Variants in FRMD4A observed in about 807,000 individuals in gnomAD.
The protein encoded by FRMD4A is FERM domain containing 4A.
In FRMD4A, 29 loss-of-function variants were observed where a neutral mutation model predicts 129.1. That is an observed-to-expected ratio of 0.22 (90% confidence interval 0.17 to 0.31). The LOEUF is 0.31. FRMD4A is among the 10% of genes least tolerant of loss of function. The probability of loss-of-function intolerance (pLI) is 1.00; values close to 1 mark genes in which losing one functional copy is unlikely to be tolerated. For synonymous variants in FRMD4A, 634 were observed against 571.6 expected (o/e 1.11, Z -1.56); for missense variants, 1,272 against 1,375.8 (o/e 0.92, Z 1.19).
At chr10:14,269,887 G>T (rs1845104434) in intron 2 of FRMD4A, among the ~76,000 whole-genome samples, 1 of 152,190 alleles carries the variant, frequency 6.6e-6, no homozygotes, top group African/African-American at 2.4e-5. Context: ...GAGAAACCCA[G>T]GTGATTTGGC....
chr10:13,689,216 G>T (rs112254255), intron 15 of FRMD4A, among the ~76,000 whole-genome samples: 50,347 of 75,458 alleles, frequency 0.67, 17,583 homozygotes, highest in African/African-American at 0.71. Flanking sequence ...GGGGGGGGGG[G>T]GGGGAGGGCT....
At chr10:13,666,076 G>A (rs1356746543) in intron 18 of FRMD4A, 21 bp downstream of exon 18, 4 of 1,485,496 alleles carry the variant, frequency 2.7e-6, no homozygotes, top group Non-Finnish European at 3.8e-6. Context: ...GTGGGGTGGG[G>A]GCAGCCCGGT....
chr10:13,775,891 A>C (rs2092585406), intron 6 of FRMD4A, among the ~76,000 whole-genome samples: 1 of 86,080 alleles, frequency 1.2e-5, no homozygotes, highest in African/African-American at 2.8e-5. Flanking sequence ...AAGGGTATGT[A>C]GTAACTAAAT....
At chr10:14,275,523 G>A (rs567955622) in intron 2 of FRMD4A, among the ~76,000 whole-genome samples, 2 of 152,314 alleles carry the variant, frequency 1.3e-5, no homozygotes, top group South Asian at 4.2e-4. Flanking sequence ...TGCAAAGAAA[G>A]GGAGAAAGGA....
chr10:13,949,564 TG>T (rs1429632353), intron 2 of FRMD4A, among the ~76,000 whole-genome samples: 1 of 152,242 alleles, frequency 6.6e-6, no homozygotes, highest in Non-Finnish European at 1.5e-5. Flanking sequence ...ATTTTGTTCT[TG>T]TAGCTCCACA....
intron 2 of FRMD4A, chr10:14,008,150 C>G: frequency 8.0e-7 from 1 of 1,257,804 alleles, no homozygotes; most frequent in African/African-American, 1.9e-5. Flanking sequence ...CCTGAACCAC[C>G]ATGGTGTACA....
At chr10:13,820,803 C>A (rs2093618908) in intron 3 of FRMD4A, among the ~76,000 whole-genome samples, 2 of 152,186 alleles carry the variant, frequency 1.3e-5, no homozygotes, top group African/African-American at 4.8e-5. Context: ...ATCCACTCTG[C>A]CCGGGACCCC....
chr10:14,171,980 G>A (rs867258370), intron 2 of FRMD4A, among the ~76,000 whole-genome samples: 6 of 152,102 alleles, frequency 3.9e-5, no homozygotes, highest in South Asian at 2.1e-4. Flanking sequence ...TAAAAATATC[G>A]CTGGGTAATT....
intron 6 of FRMD4A, among the ~76,000 whole-genome samples, chr10:13,763,189 A>G (rs2092146635): frequency 6.6e-6 from 1 of 152,154 alleles, no homozygotes; most frequent in Non-Finnish European, 1.5e-5. Flanking sequence ...TTAAATCTTT[A>G]GAGAAATTAA....
intron 3 of FRMD4A, among the ~76,000 whole-genome samples, chr10:13,839,708 C>T (rs753337923): frequency 3.3e-5 from 5 of 152,208 alleles, no homozygotes; most frequent in Non-Finnish European, 5.9e-5. Context: ...GGCATACAGG[C>T]TCCTGGTTCA....
At chr10:14,021,444 C>A (rs1264505631) in intron 2 of FRMD4A, among the ~76,000 whole-genome samples, 1 of 151,842 alleles carries the variant, frequency 6.6e-6, no homozygotes, top group South Asian at 2.1e-4. Flanking sequence ...GTAGTCCCAC[C>A]TACTTGGGAG....
At chr10:14,164,389 G>T (rs961573018) in intron 2 of FRMD4A, among the ~76,000 whole-genome samples, 2 of 152,196 alleles carry the variant, frequency 1.3e-5, no homozygotes, top group African/African-American at 4.8e-5. Context: ...CTGGCAATGA[G>T]CCCCAGGTCC....
intron 2 of FRMD4A, among the ~76,000 whole-genome samples, chr10:13,980,467 G>A (rs2095556721): frequency 6.6e-6 from 1 of 152,182 alleles, no homozygotes; most frequent in African/African-American, 2.4e-5. Flanking sequence ...AGCAGCTTAT[G>A]CCCTGTAATC....
chr10:13,704,701 C>T (rs925902529), intron 13 of FRMD4A, among the ~76,000 whole-genome samples: 1 of 152,150 alleles, frequency 6.6e-6, no homozygotes, highest in Non-Finnish European at 1.5e-5. Flanking sequence ...AGGTTCAAAT[C>T]CTGCCTCTCC....
intron 2 of FRMD4A, among the ~76,000 whole-genome samples, chr10:14,191,592 T>A (rs1842318183): frequency 6.6e-6 from 1 of 152,230 alleles, no homozygotes; most frequent in Non-Finnish European, 1.5e-5. Flanking sequence ...TATCGGCTGT[T>A]GCTATGGAGA....
At chr10:13,777,434 T>C (rs1369602554) in intron 6 of FRMD4A, among the ~76,000 whole-genome samples, 3 of 152,232 alleles carry the variant, frequency 2.0e-5, no homozygotes, top group Admixed American at 6.5e-5. Context: ...TGGTCTCCTA[T>C]ATCAACTTGA....
intron 2 of FRMD4A, among the ~76,000 whole-genome samples, chr10:13,993,423 G>T (rs866190085): frequency 1.3e-5 from 2 of 152,320 alleles, no homozygotes; most frequent in South Asian, 2.1e-4. Flanking sequence ...TAGTCCAGCT[G>T]TTACCAGTCA....
chr10:13,705,731 G>A (rs771051571), intron 13 of FRMD4A, among the ~76,000 whole-genome samples: 14 of 152,082 alleles, frequency 9.2e-5, no homozygotes, highest in Non-Finnish European at 1.8e-4. Flanking sequence ...GCTTCTGGCC[G>A]CGAAACCCCT....
intron 3 of FRMD4A, among the ~76,000 whole-genome samples, chr10:13,848,595 AGTGTGTGTGTGTACGTGTGTGT>A (rs767486137): frequency 0.14 from 18,958 of 134,316 alleles, 1,273 homozygotes; most frequent in South Asian, 0.18. Flanking sequence ...CCTGGGTGTG[AGTGTGTGTGTGTACGTGTGTGT>A]GTGTGTGTGT....
Sources: allele counts gnomAD v4.1 joint callset (sites outside exome capture counted in the v4.1 genomes callset), GRCh38; gene constraint gnomAD v4.1.1; transcripts MANE v1.5; gene names NCBI Gene and HGNC (gene_info 2026-07-23, HGNC 2026-07-21).